Variants in POU2F3 observed in about 807,000 individuals in gnomAD.
POU2F3 encodes the protein POU class 2 homeobox 3.
A neutral mutation model predicts 59.2 loss-of-function variants in POU2F3; 23 were observed. The ratio of observed to expected loss-of-function variants is 0.39; its 90% confidence interval spans 0.28 to 0.55. The LOEUF is 0.55. Ranked by LOEUF, POU2F3 falls within the 20% of genes least tolerant of loss-of-function variation. POU2F3 has a pLI of 0.66. For synonymous variants in POU2F3, 190 were observed against 214.6 expected, an observed-to-expected ratio of 0.89 and a Z score of 1.00; for missense variants, 473 against 544.5, an observed-to-expected ratio of 0.87 and a Z score of 1.31.
rs544682765 is a variant in POU2F3 at position 120,255,164 on chromosome 11, T to G, written c.97+8647T>G. 7.2e-5 allele frequency among the ~76,000 whole-genome samples: 11 copies of G among 152,246 alleles called. No individual in the cohort carries two copies. In the East Asian group the frequency reaches 2.1e-3, roughly 30 times the overall value. ...CACCACAGCCTAGCCCACCCTTGGC[T>G]TAGCCCAGCCAGAAAAACCAGCGGT... On this transcript the variant is annotated intron_variant, in intron 2 of 12. Coordinates refer to ENST00000543440, the MANE Select transcript of POU2F3 (RefSeq NM_014352.4).
intron 3 of POU2F3, among the ~76,000 whole-genome samples, chr11:120,295,093 T>C (rs894853287): frequency 5.9e-5 from 9 of 151,404 alleles, no homozygotes; most frequent in Middle Eastern, 3.4e-3. Context: ...AACTGGGAGG[T>C]TGGGAGTGCC....
At chr11:120,236,788 G>A (rs1333925843), upstream of POU2F3, 12 of 1,341,162 alleles carry the variant, frequency 8.9e-6, no homozygotes, top group African/African-American at 1.4e-5. Flanking sequence ...AAGGAATAAA[G>A]ATTGCTCACC....
chr11:120,295,843 G>T lies in POU2F3; in HGVS notation c.133-2422G>T, dbSNP rs115256241. On this transcript the variant is annotated intron_variant, in intron 3 of 12. Transcript: ENST00000543440. ...CACAGTGCTATTTCCCATCTCTCCC[G>T]CTTCCTTCTCTTTGCTTCCAGAGTT... Among the ~76,000 whole-genome samples, 315 of 152,248 alleles carry T rather than the reference G, an allele frequency of 2.1e-3. 4 individuals carry two copies. The highest frequency in any genetic ancestry group is 7.0e-3 in the African/African-American group (292 of 41,546).
At chr11:120,297,484 C>G (rs547746381) in intron 3 of POU2F3, among the ~76,000 whole-genome samples, 110 of 152,328 alleles carry the variant, frequency 7.2e-4, no homozygotes, top group African/African-American at 2.6e-3. Context: ...AGAGGGCCAG[C>G]TGCAGAGGCA....
At chr11:120,241,525 C>T (rs978504809) in intron 1 of POU2F3, among the ~76,000 whole-genome samples, 9 of 152,192 alleles carry the variant, frequency 5.9e-5, no homozygotes, top group South Asian at 2.1e-4. Flanking sequence ...CTCTCCAGGA[C>T]GTGCCAGAAA....
chr11:120,298,926 C>T (rs1941266434), intron 4 of POU2F3, among the ~76,000 whole-genome samples: 1 of 152,170 alleles, frequency 6.6e-6, no homozygotes, highest in African/African-American at 2.4e-5. Context: ...ATGCATCTGT[C>T]CCTTCACCTG....
intron 3 of POU2F3, among the ~76,000 whole-genome samples, chr11:120,282,394 G>A (rs1940605257): frequency 6.6e-6 from 1 of 152,222 alleles, no homozygotes; most frequent in Non-Finnish European, 1.5e-5. Context: ...AGTGGCTCAT[G>A]CCTGTAATCC....
intron 11 of POU2F3, 60 bp from the exon 12 acceptor site, chr11:120,317,169 C>G (rs1014826079): frequency 1.9e-6 from 3 of 1,595,916 alleles, no homozygotes; most frequent in Non-Finnish European, 2.6e-6. Context: ...GGCTATGTCC[C>G]GATGTCCCGG....
intron 3 of POU2F3, among the ~76,000 whole-genome samples, chr11:120,283,788 T>TGTG (rs1434188520): frequency 6.6e-5 from 8 of 121,832 alleles, no homozygotes; most frequent in Non-Finnish European, 1.1e-4. Flanking sequence ...TGTGTGTGTG[T>TGTG]GTGTGTGTGT....
At chr11:120,237,843 T>G (rs1297632172), upstream of POU2F3, among the ~76,000 whole-genome samples, 1 of 149,620 alleles carries the variant, frequency 6.7e-6, no homozygotes, top group Non-Finnish European at 1.5e-5. Flanking sequence ...GTTGGGGGAG[T>G]GTTGAATAGG....
intron 10 of POU2F3, among the ~76,000 whole-genome samples, chr11:120,311,604 A>G (rs1184561054): frequency 1.3e-5 from 2 of 152,182 alleles, no homozygotes; most frequent in African/African-American, 4.8e-5. Flanking sequence ...GGGAGTGGGA[A>G]GAAGTGATGA....
intron 10 of POU2F3, among the ~76,000 whole-genome samples, chr11:120,310,527 T>C (rs1052965651): frequency 2.6e-5 from 4 of 152,122 alleles, no homozygotes; most frequent in African/African-American, 9.7e-5. Flanking sequence ...AATTTGAAGT[T>C]CTAGGGAGAC....
intron 3 of POU2F3, among the ~76,000 whole-genome samples, chr11:120,272,184 C>T (rs1439138615): frequency 1.3e-5 from 2 of 152,194 alleles, no homozygotes; most frequent in Non-Finnish European, 2.9e-5. Flanking sequence ...ATCCTCATTT[C>T]ATAAGTGAGA....
chr11:120,256,910 T>G (rs1215028741), intron 2 of POU2F3: 1 of 152,220 alleles, frequency 6.6e-6, no homozygotes, highest in East Asian at 1.9e-4. Flanking sequence ...TAGACAGATG[T>G]GGGTTTCAGT....
intron 12 of POU2F3, among the ~76,000 whole-genome samples, chr11:120,318,055 C>T (rs968808155): frequency 5.3e-5 from 8 of 152,138 alleles, no homozygotes; most frequent in African/African-American, 1.2e-4. Flanking sequence ...GAAACGTTGG[C>T]GCTCCTCACC....
Position 120,285,071 on chromosome 11 carries a change from C to A in POU2F3, c.133-13194C>A, listed in dbSNP as rs1940731637. On this transcript the variant is annotated intron_variant, in intron 3 of 12. Coordinates refer to ENST00000543440, the MANE Select transcript of POU2F3 (RefSeq NM_014352.4). This position sits in a 1 kb window ranked among gnomAD's most constrained non-coding sequence, Gnocchi z 4.3. Reference sequence around the variant, plus strand: ...ATTTTTGGTGTTAAAATATTTAGTGCACGTAATGAAACGAAGGTCAGAGTC... The same window carrying A: ...ATTTTTGGTGTTAAAATATTTAGTGAACGTAATGAAACGAAGGTCAGAGTC... Among the ~76,000 whole-genome samples, 1 of 152,070 alleles carries A rather than the reference C, an allele frequency of 6.6e-6. No homozygotes were observed.
intron 3 of POU2F3, among the ~76,000 whole-genome samples, chr11:120,287,003 G>A (rs1940807065): frequency 6.6e-6 from 1 of 152,062 alleles, no homozygotes; most frequent in Non-Finnish European, 1.5e-5. Context: ...AGATGACAGT[G>A]ACCCATCGTT....
In POU2F3 at chr11:120,275,118, A is replaced by T. The variant is rs577750467; in HGVS notation, c.132+5874A>T. ...GAAATGATGGAGACTTGGACTGTAG[A>T]ATTCCCTTTCGAGGAATAGGGTGAT... On this transcript the variant is annotated intron_variant, in intron 3 of 12. Coordinates refer to ENST00000543440, the MANE Select transcript of POU2F3 (RefSeq NM_014352.4). Among the ~76,000 whole-genome samples the T allele has an allele frequency of 3.3e-5, 5 of 152,270 alleles. No homozygotes were observed. In the East Asian group the frequency reaches 5.8e-4, roughly 18 times the overall value.
intron 6 of POU2F3, chr11:120,302,605 C>T (rs1391855009): frequency 1.6e-5 from 8 of 504,780 alleles, no homozygotes; most frequent in African/African-American, 9.7e-5. Flanking sequence ...CCCAGGCCAG[C>T]CTCCTTCATG....
Sources: gnomAD v4.1 joint callset for allele counts (sites outside exome capture counted in the v4.1 genomes callset) on GRCh38, gnomAD v4.1.1 for gene constraint, Gnocchi (gnomAD v3.1) non-coding constraint, MANE v1.5 for transcripts, NCBI Gene and HGNC (gene_info 2026-07-23, HGNC 2026-07-21) for gene names.